The following TYW1 variants were observed in gnomAD, a reference collection of about 807,000 sequenced individuals.
TYW1 encodes the protein S-adenosyl-L-methionine-dependent tRNA 4-demethylwyosine synthase TYW1.
TYW1 carries 46 observed loss-of-function variants against 96.2 expected under a neutral mutation model. The observed-to-expected ratio is 0.48, with a 90% CI of 0.38 to 0.61. The LOEUF (loss-of-function observed/expected upper bound fraction) is 0.61, where lower values mean the gene tolerates loss of function less well. TYW1 is among the 20% of genes least tolerant of loss of function. The pLI is 0.00. For synonymous variants in TYW1, 274 were observed against 323.0 expected, an observed-to-expected ratio of 0.85 and a Z score of 1.63; for missense variants, 684 against 909.6, an observed-to-expected ratio of 0.75 and a Z score of 3.19.
chr7:67,002,612 A>C (rs1366813412), intron 3 of TYW1, among the ~76,000 whole-genome samples: 1 of 151,530 alleles, frequency 6.6e-6, no homozygotes, highest in South Asian at 2.1e-4. Context: ...GAAGGTGACT[A>C]TTTGGATCTT....
rs2129235037 is a variant in TYW1, at chr7:66,998,096, A to T, written c.36A>T (p.Ser12=). Residue 12 remains serine (S), a synonymous_variant, in exon 2 of 16, where the codon TCA becomes TCT. Transcript: ENST00000359626. ...DPSADTWDLF[S]PLISLWINRF... ...CTGCGGATACATGGGACCTCTTCTC[A>T]CCTTTAATATCATTATGGATAAACA... 2 of 1,608,720 alleles carry T rather than the reference A, an allele frequency of 1.2e-6. No homozygotes were observed. The highest frequency in any genetic ancestry group is 3.3e-4 in the Middle Eastern group (2 of 6,054).
At chr7:67,054,521 A>G (rs1211412312) in intron 8 of TYW1, among the ~76,000 whole-genome samples, 1 of 152,118 alleles carries the variant, frequency 6.6e-6, no homozygotes, top group African/African-American at 2.4e-5. Flanking sequence ...GTTTATTTAT[A>G]TGCAAGATGT....
At chr7:67,033,064 T>G (rs984619341) in intron 7 of TYW1, among the ~76,000 whole-genome samples, 1 of 151,704 alleles carries the variant, frequency 6.6e-6, no homozygotes, top group African/African-American at 2.4e-5. Flanking sequence ...GCCCGGCTAA[T>G]TTTTGTAATT....
chr7:67,170,523 A>G (rs1394117353), intron 13 of TYW1, among the ~76,000 whole-genome samples: 2 of 152,370 alleles, frequency 1.3e-5, no homozygotes, highest in Admixed American at 6.5e-5. Context: ...TTCACGTAAC[A>G]TAAAATGAAC....
intron 15 of TYW1, among the ~76,000 whole-genome samples, chr7:67,199,201 A>AT (rs1259510456): frequency 1.3e-4 from 20 of 152,220 alleles, no homozygotes; most frequent in African/African-American, 2.9e-4. Context: ...TCTCAAAAAA[A>AT]AAAAATAAAT....
rs1164500508 is a variant in TYW1 at position 67,180,386 on chromosome 7, TTATATATATATATATATATTTATATA to T, written c.1699-2727_1699-2702del. Among the ~76,000 whole-genome samples, 115 of 111,592 alleles carry T rather than the reference TTATATATATATATATATATTTATATA, an allele frequency of 1.0e-3. 28 individuals are homozygous for T. Among genetic ancestry groups the T allele is most frequent in the African/African-American group, 4.4e-3 (113 of 25,624 alleles). 73.2% of individuals were successfully genotyped at this position (111,592 alleles called of 152,430 possible). A position where few individuals can be genotyped will look rare whatever the true frequency, so the allele number is the denominator to read the frequency against. On this transcript the variant is annotated intron_variant, in intron 13 of 15. Transcript: ENST00000359626. ...ACCGTATCCTTGGAAAGCTGTTGGT[TTATATATATATATATATATTTATATA>T]TATATATATATAATTTTTTTTTTGG...
chr7:66,998,815 A>G lies in TYW1; in HGVS notation c.136-2A>G. ...GATTTTGTGTAATTATTTGTCTTCA[A>G]GGGCAAGAACTTACAGGAAAAATCT... is the stretch of plus-strand genomic sequence containing the variant. On this transcript the variant is annotated splice_acceptor_variant, in intron 2 of 15. Transcript: ENST00000359626. LOFTEE classifies it high-confidence loss of function. The G allele has an allele frequency of 6.2e-7, 1 of 1,613,780 alleles. No homozygotes were observed. The highest frequency in any genetic ancestry group is 8.5e-7 in the Non-Finnish European group (1 of 1,179,926).
chr7:67,234,485 G>T (rs552973401), intron 15 of TYW1, among the ~76,000 whole-genome samples: 1 of 152,108 alleles, frequency 6.6e-6, no homozygotes, highest in Non-Finnish European at 1.5e-5. Context: ...CAGGAAGAGA[G>T]CCCTCACCAG....
intron 15 of TYW1, among the ~76,000 whole-genome samples, chr7:67,218,874 C>G (rs1255435100): frequency 6.6e-5 from 10 of 152,246 alleles, no homozygotes; most frequent in African/African-American, 2.2e-4. Flanking sequence ...TTTTTCCTCT[C>G]CAATTTGGAT....
intron 7 of TYW1, among the ~76,000 whole-genome samples, chr7:67,031,192 CA>C (rs60531853): frequency 1.7e-3 from 182 of 107,778 alleles, no homozygotes; most frequent in East Asian, 0.015. Context: ...GACTCCATCT[CA>C]AAAAAAAAAA....
intron 7 of TYW1, among the ~76,000 whole-genome samples, chr7:67,037,403 C>T (rs1794873516): frequency 1.3e-5 from 2 of 150,830 alleles, no homozygotes; most frequent in Non-Finnish European, 2.9e-5. Context: ...ACTTGGGAGA[C>T]TAAGGCAGGA....
At chr7:67,119,029 T>G (rs2115987156) in intron 13 of TYW1, among the ~76,000 whole-genome samples, 1 of 152,198 alleles carries the variant, frequency 6.6e-6, no homozygotes, top group East Asian at 1.9e-4. Context: ...TGCAAACATT[T>G]GGCCTTTCTT....
At chr7:67,138,657 C>T (rs1406267516) in intron 13 of TYW1, among the ~76,000 whole-genome samples, 1 of 152,060 alleles carries the variant, frequency 6.6e-6, no homozygotes, top group Non-Finnish European at 1.5e-5. Context: ...GGTAACCATC[C>T]TTCTACTGTC....
intron 7 of TYW1, among the ~76,000 whole-genome samples, chr7:67,031,267 TACTA>T (rs1167867172): frequency 3.7e-5 from 5 of 133,580 alleles, no homozygotes; most frequent in Admixed American, 7.7e-5. Flanking sequence ...GGCTTCTAGA[TACTA>T]ACTATGTAAG....
intron 13 of TYW1, among the ~76,000 whole-genome samples, chr7:67,156,573 G>C (rs1391800520): frequency 6.6e-6 from 1 of 152,150 alleles, no homozygotes; most frequent in African/African-American, 2.4e-5. Flanking sequence ...TTGGCCATCT[G>C]TTTCCCAAGG....
chr7:67,086,438 G>A (rs73365713), intron 11 of TYW1, among the ~76,000 whole-genome samples: 15,759 of 152,172 alleles, frequency 0.1, 869 homozygotes, highest in Middle Eastern at 0.15. Context: ...ATGTGTATGT[G>A]TATGTGTATG....
At chr7:67,123,502 A>G (rs1797822135) in intron 13 of TYW1, among the ~76,000 whole-genome samples, 2 of 152,338 alleles carry the variant, frequency 1.3e-5, no homozygotes, top group South Asian at 4.1e-4. Context: ...AGTGTATTGC[A>G]TCTTAGGTTC....
chr7:67,141,809 G>T (rs573599176), intron 13 of TYW1, among the ~76,000 whole-genome samples: 13 of 152,348 alleles, frequency 8.5e-5, no homozygotes, highest in Admixed American at 2.0e-4. Context: ...GCCAAGGCGG[G>T]TGGATCACTT....
chr7:66,997,064 G>C, intron 1 of TYW1, 82 bp downstream of exon 1: 5 of 1,598,070 alleles, frequency 3.1e-6, no homozygotes, highest in Admixed American at 1.7e-5. Flanking sequence ...GCGGAGTGGC[G>C]TCCTCGGTCC....
Sources: allele counts gnomAD v4.1 joint callset (sites outside exome capture counted in the v4.1 genomes callset), GRCh38; gene constraint gnomAD v4.1.1; transcripts MANE v1.5; gene names NCBI Gene and HGNC (gene_info 2026-07-23, HGNC 2026-07-21).